NEK6: variants seen among roughly 807,000 people sequenced by gnomAD.
The protein encoded by NEK6 is NIMA related kinase 6.
A neutral mutation model predicts 43.5 loss-of-function variants in NEK6; 27 were observed. The observed-to-expected ratio is 0.62, with a 90% confidence interval of 0.46 to 0.86. The LOEUF (loss-of-function observed/expected upper bound fraction) is 0.86, where lower values mean the gene tolerates loss of function less well. Among genes scored for constraint, NEK6 ranks in the 40% least tolerant of loss-of-function variants. NEK6 has a pLI of 0.00. For synonymous variants in NEK6, 167 were observed against 164.1 expected, an observed-to-expected ratio of 1.02 and a Z score of -0.14; for missense variants, 318 against 414.4, an observed-to-expected ratio of 0.77 and a Z score of 2.02.
rs1830302477 is a variant in NEK6, at chr9:124,352,040, A to C, written c.*1093A>C. ...ATGTGTTCCTTATTTCTTGTTCCCA[A>C]ACAGGATTAACTGTGAAGACTAATT... On this transcript the variant is annotated 3_prime_UTR_variant, in exon 10 of 10. Transcript: ENST00000320246. 1 of 152,692 alleles carries C rather than the reference A, an allele frequency of 6.5e-6. No individual in the cohort carries two copies. The highest frequency in any genetic ancestry group is 1.5e-5 in the Non-Finnish European group (1 of 68,050). The allele number at this position is 152,692 out of a possible 1,614,324, so 9.5% of individuals were successfully genotyped here. A position where few individuals can be genotyped will look rare whatever the true frequency, so the allele number is the denominator to read the frequency against.
At chr9:124,272,037 TAGC>T (rs145202888) in intron 1 of NEK6, among the ~76,000 whole-genome samples, 2,944 of 152,344 alleles carry the variant, frequency 0.019, 46 homozygotes, top group East Asian at 0.084. Flanking sequence ...CAAGGGGTAA[TAGC>T]AGATCCTGTC....
chr9:124,331,450 C>G (rs1481161685), intron 7 of NEK6, among the ~76,000 whole-genome samples: 1 of 152,014 alleles, frequency 6.6e-6, no homozygotes, highest in Non-Finnish European at 1.5e-5. Flanking sequence ...GAGCCCTTCT[C>G]GAGGCATCAG....
In NEK6 at chr9:124,343,887, CAG is replaced by C. The variant is rs1262917476; in HGVS notation, c.718-3820_718-3819del. Reference sequence around the variant, plus strand: ...GTGCTCATCCCTGTGGCTGCAGTGACAGATGCCACCACGCCGATGGCTTCAAG... The same window carrying C: ...GTGCTCATCCCTGTGGCTGCAGTGACATGCCACCACGCCGATGGCTTCAAG... On this transcript the variant is annotated intron_variant, in intron 8 of 9. Coordinates refer to ENST00000320246, the MANE Select transcript of NEK6 (RefSeq NM_014397.6). The surrounding 1 kb of genome is among the most constrained non-coding windows in gnomAD (Gnocchi z 5.1). Among the ~76,000 whole-genome samples the C allele has an allele frequency of 1.3e-5, 2 of 152,218 alleles. No homozygotes were observed. The highest frequency in any genetic ancestry group is 4.8e-5 in the African/African-American group (2 of 41,460).
In NEK6 at chr9:124,317,924, T is replaced by C. The variant is rs533155908; in HGVS notation, c.295-3535T>C. ...CACATTTTCTTTATCCGGCCCACCA[T>C]TTCTGCGCACCTAGATTGATTCGGT... On this transcript the variant is annotated intron_variant, in intron 4 of 9. Coordinates refer to ENST00000320246, the MANE Select transcript of NEK6 (RefSeq NM_014397.6). 4.6e-5 allele frequency among the ~76,000 whole-genome samples: 7 copies of C among 152,382 alleles called. No homozygotes were observed. In the East Asian group the frequency reaches 1.3e-3, roughly 29 times the overall value.
intron 1 of NEK6, among the ~76,000 whole-genome samples, chr9:124,273,162 A>G (rs1831515970): frequency 6.6e-6 from 1 of 152,072 alleles, no homozygotes; most frequent in South Asian, 2.1e-4. Flanking sequence ...GGTTCATGTG[A>G]CAGATGAGGA....
At chr9:124,350,687 C>T (rs955020237) in intron 9 of NEK6, 150 bp from the exon 10 acceptor site, 1 of 683,886 alleles carries the variant, frequency 1.5e-6, no homozygotes, top group East Asian at 2.8e-5. Context: ...TTACTTGCCC[C>T]AGCTAAACAC....
At chr9:124,304,927 T>A (rs1446200031) in intron 2 of NEK6, among the ~76,000 whole-genome samples, 2 of 152,238 alleles carry the variant, frequency 1.3e-5, no homozygotes, top group African/African-American at 4.8e-5. Flanking sequence ...GCTTTTTAAA[T>A]TTTACCAATG....
At chr9:124,294,415 C>G (rs1237257561) in intron 1 of NEK6, among the ~76,000 whole-genome samples, 1 of 151,892 alleles carries the variant, frequency 6.6e-6, no homozygotes, top group Non-Finnish European at 1.5e-5. Flanking sequence ...TCACTTGAAC[C>G]CAGGAGGCGG....
intron 7 of NEK6, among the ~76,000 whole-genome samples, chr9:124,329,546 C>T (rs563128120): frequency 1.3e-3 from 197 of 152,334 alleles, no homozygotes; most frequent in Non-Finnish European, 1.3e-3. Flanking sequence ...CTCCGAGCGC[C>T]GACCAGGCCA....
intron 5 of NEK6, among the ~76,000 whole-genome samples, chr9:124,323,038 G>A (rs908990296): frequency 6.6e-6 from 1 of 151,984 alleles, no homozygotes; most frequent in Non-Finnish European, 1.5e-5. Context: ...TCCTTCACAC[G>A]GATTCCCTTG....
chr9:124,333,890 G>A (rs1251442354), intron 7 of NEK6, among the ~76,000 whole-genome samples: 1 of 148,142 alleles, frequency 6.8e-6, no homozygotes, highest in Non-Finnish European at 1.5e-5. Context: ...AGATTCTCCT[G>A]TCTTGCCCTC....
intron 4 of NEK6, among the ~76,000 whole-genome samples, chr9:124,316,242 G>C (rs2416927): frequency 0.45 from 67,849 of 152,110 alleles, 15,293 homozygotes; most frequent in East Asian, 0.64. Flanking sequence ...GGCTGGTGGG[G>C]TCGGCAGCTG....
chr9:124,310,046 C>T (rs970688489), intron 2 of NEK6, among the ~76,000 whole-genome samples: 4 of 152,144 alleles, frequency 2.6e-5, no homozygotes, highest in Non-Finnish European at 4.4e-5. Flanking sequence ...CAGGCCTGGC[C>T]GGTCAGGGGG....
intron 1 of NEK6, among the ~76,000 whole-genome samples, chr9:124,286,699 G>A (rs1273376844): frequency 6.6e-6 from 1 of 152,236 alleles, no homozygotes; most frequent in Non-Finnish European, 1.5e-5. Context: ...GGCCAGTTGT[G>A]TCCCATCTGC....
intron 7 of NEK6, among the ~76,000 whole-genome samples, chr9:124,330,390 G>C (rs1032587504): frequency 1.3e-5 from 2 of 152,304 alleles, no homozygotes; most frequent in African/African-American, 4.8e-5. Context: ...TCCGAGCAAC[G>C]GCAGCAGCTG....
chr9:124,276,180 GCTCCT>G (rs1397356957), intron 1 of NEK6, among the ~76,000 whole-genome samples: 1 of 152,194 alleles, frequency 6.6e-6, no homozygotes, highest in Non-Finnish European at 1.5e-5. Context: ...CACAGCCTGA[GCTCCT>G]ACCTGGAGAC....
In NEK6 at chr9:124,351,022, C is replaced by G; in HGVS notation, c.*75C>G. On this transcript the variant is annotated 3_prime_UTR_variant, in exon 10 of 10. Transcript: ENST00000320246. Reference sequence around the variant, plus strand: ...GAGTCGTCTTCTCTTCGAGTGGCCACCTGGTAGCCTAGAACAGCTAAGACC... The same window carrying G: ...GAGTCGTCTTCTCTTCGAGTGGCCAGCTGGTAGCCTAGAACAGCTAAGACC... 2 of 1,003,352 alleles carry G rather than the reference C, an allele frequency of 2.0e-6. No individual in the cohort carries two copies. The highest frequency in any genetic ancestry group is 3.0e-6 in the Non-Finnish European group (2 of 657,630). The allele number at this position is 1,003,352 out of a possible 1,614,324, so 62.2% of individuals were successfully genotyped here.
rs565764914 is a variant in NEK6 at position 124,341,514 on chromosome 9, G to A, written c.717+1849G>A. On this transcript the variant is annotated intron_variant, in intron 8 of 9. Transcript: ENST00000320246. ...GGTTAGTCTGGCCCTGACAGAGCTGGGAAGCAGGCCGGGTGCTCTTTCCAG... is the reference window on the plus strand; with the variant it reads ...GGTTAGTCTGGCCCTGACAGAGCTGAGAAGCAGGCCGGGTGCTCTTTCCAG... Among the ~76,000 whole-genome samples the A allele has an allele frequency of 5.3e-5, 8 of 152,300 alleles. No individual in the cohort carries two copies. The East Asian group carries it at 1.4e-3, about 26-fold the overall frequency.
intron 7 of NEK6, among the ~76,000 whole-genome samples, chr9:124,337,468 A>G (rs1424407797): frequency 1.3e-5 from 2 of 152,218 alleles, no homozygotes; most frequent in Non-Finnish European, 2.9e-5. Context: ...CCACTCCTAT[A>G]GAGTAGCTTT....
Sources: gnomAD v4.1 joint callset for allele counts (sites outside exome capture counted in the v4.1 genomes callset) on GRCh38, gnomAD v4.1.1 for gene constraint, Gnocchi (gnomAD v3.1) non-coding constraint, MANE v1.5 for transcripts, NCBI Gene and HGNC (gene_info 2026-07-23, HGNC 2026-07-21) for gene names.